CNTNAP2: variants seen among roughly 807,000 people sequenced by gnomAD.
CNTNAP2 encodes the protein contactin associated protein 2.
In CNTNAP2, 98 loss-of-function variants were observed where a neutral mutation model predicts 155.2. That is an observed-to-expected ratio of 0.63 (90% CI 0.54 to 0.75). The LOEUF (loss-of-function observed/expected upper bound fraction) is 0.75. Ranked by LOEUF, CNTNAP2 falls within the 30% of genes least tolerant of loss-of-function variation. The probability of loss-of-function intolerance (pLI) is 0.00; values close to 1 mark genes in which losing one functional copy is unlikely to be tolerated. For missense variants in CNTNAP2, 1,727 were observed against 1,688.1 expected (o/e 1.02, Z -0.40); for synonymous variants, 651 against 631.2 (o/e 1.03, Z -0.47).
chr7:147,940,972 T>C (rs1800710698), intron 14 of CNTNAP2, among the ~76,000 whole-genome samples: 1 of 152,246 alleles, frequency 6.6e-6, no homozygotes, highest in Non-Finnish European at 1.5e-5. Context: ...CTTACATTTC[T>C]GTTGTCAAAG....
At chr7:147,537,533 T>TA (rs1157937181) in intron 11 of CNTNAP2, among the ~76,000 whole-genome samples, 9 of 152,108 alleles carry the variant, frequency 5.9e-5, no homozygotes, top group African/African-American at 1.9e-4. Context: ...GGGCCTTACT[T>TA]ACCTACAAAG....
intron 3 of CNTNAP2, among the ~76,000 whole-genome samples, chr7:146,907,925 A>G (rs1195855690): frequency 6.6e-6 from 1 of 152,232 alleles, no homozygotes; most frequent in African/African-American, 2.4e-5. Flanking sequence ...GCAGAGACAC[A>G]CATAGGCTCA....
At position 148,030,024 on chromosome 7, in the gene CNTNAP2, C is replaced by T. The variant is rs569011618; in HGVS notation, c.2383+52035C>T. On this transcript the variant is annotated intron_variant, in intron 15 of 23. Coordinates refer to ENST00000361727, the MANE Select transcript of CNTNAP2 (RefSeq NM_014141.6). ...GTTGGAAATCTTCAGAGGACAGACA[C>T]TCAGTGAATAACCTTTAACTAATTT... 2.6e-4 allele frequency among the ~76,000 whole-genome samples: 39 copies of T among 152,336 alleles called. 1 individual carries two copies. The East Asian group carries it at 7.5e-3, about 29-fold the overall frequency.
chr7:146,147,523 T>C (rs1436183803), intron 1 of CNTNAP2, among the ~76,000 whole-genome samples: 1 of 152,116 alleles, frequency 6.6e-6, no homozygotes, highest in Non-Finnish European at 1.5e-5. Context: ...ATGATTAAAG[T>C]AGGAAGCCTA....
intron 3 of CNTNAP2, among the ~76,000 whole-genome samples, chr7:146,913,789 G>T (rs1184726759): frequency 6.6e-6 from 1 of 151,824 alleles, no homozygotes; most frequent in Non-Finnish European, 1.5e-5. Flanking sequence ...TTGGGGAACA[G>T]GTGGTGTTTG....
At chr7:146,628,187 A>AGACAATATT (rs1305067386) in intron 1 of CNTNAP2, among the ~76,000 whole-genome samples, 1 of 152,140 alleles carries the variant, frequency 6.6e-6, no homozygotes. Context: ...CTCAGCATGC[A>AGACAATATT]GACAATATTG....
chr7:146,597,040 G>GA (rs1168479410), intron 1 of CNTNAP2, among the ~76,000 whole-genome samples: 1 of 151,874 alleles, frequency 6.6e-6, no homozygotes, highest in Non-Finnish European at 1.5e-5. Context: ...AAATAACCAG[G>GA]AAAAAAGGCA....
intron 13 of CNTNAP2, among the ~76,000 whole-genome samples, chr7:147,757,599 GA>G (rs1317668457): frequency 2.0e-5 from 3 of 152,022 alleles, no homozygotes; most frequent in Non-Finnish European, 4.4e-5. Flanking sequence ...GGATAATCAT[GA>G]ATTGTTGTTT....
At chr7:148,041,239 A>C (rs2116478547) in intron 15 of CNTNAP2, among the ~76,000 whole-genome samples, 1 of 152,340 alleles carries the variant, frequency 6.6e-6, no homozygotes. Flanking sequence ...TAGGCCTTTC[A>C]TAAAAAGTGT....
rs1563168695 is a variant in CNTNAP2, at chr7:147,346,132, TA to T, written c.1498+45843del. Reference sequence around the variant, plus strand: ...GGCTGTGTCCCATAATCGAAGATTTTATTTTATTTTATTTTATTTTATTTTT... The same window carrying T: ...GGCTGTGTCCCATAATCGAAGATTTTTTTTATTTTATTTTATTTTATTTTT... On this transcript the variant is annotated intron_variant, in intron 9 of 23. Coordinates refer to ENST00000361727, the MANE Select transcript of CNTNAP2 (RefSeq NM_014141.6). 6.9e-3 allele frequency among the ~76,000 whole-genome samples: 345 copies of T among 50,152 alleles called. 4 individuals are homozygous for T. The highest frequency in any genetic ancestry group is 0.046 in the African/African-American group (319 of 6,918). The allele number at this position is 50,152 out of a possible 152,430, so 32.9% of individuals were successfully genotyped here. A position where few individuals can be genotyped will look rare whatever the true frequency, so the allele number is the denominator to read the frequency against.
At chr7:148,157,887 C>T (rs142915393) in intron 17 of CNTNAP2, among the ~76,000 whole-genome samples, 199 of 152,298 alleles carry the variant, frequency 1.3e-3, no homozygotes, top group African/African-American at 4.6e-3. Context: ...ATCAATCGAC[C>T]ATATGCAAAG....
chr7:147,268,084 A>G (rs950964355), intron 8 of CNTNAP2, among the ~76,000 whole-genome samples: 3 of 152,172 alleles, frequency 2.0e-5, no homozygotes, highest in Admixed American at 6.5e-5. Context: ...CCTTAATAAG[A>G]AAGGTAAATA....
chr7:146,531,608 T>C (rs935787819), intron 1 of CNTNAP2, among the ~76,000 whole-genome samples: 1 of 152,154 alleles, frequency 6.6e-6, no homozygotes, highest in African/African-American at 2.4e-5. Context: ...TGCAATGGCA[T>C]GATCAAGGCT....
intron 8 of CNTNAP2, among the ~76,000 whole-genome samples, chr7:147,197,060 C>T (rs1281645215): frequency 1.3e-5 from 2 of 152,096 alleles, no homozygotes; most frequent in Non-Finnish European, 2.9e-5. Context: ...CCTTTGCAAT[C>T]CCCCCTCCTT....
intron 21 of CNTNAP2, among the ~76,000 whole-genome samples, chr7:148,326,784 G>C (rs1797898025): frequency 6.6e-6 from 1 of 150,652 alleles, no homozygotes; most frequent in Non-Finnish European, 1.5e-5. Context: ...AGAATGGCGT[G>C]AATCAGGGAG....
At chr7:147,164,396 T>C (rs187656551) in intron 8 of CNTNAP2, among the ~76,000 whole-genome samples, 378 of 152,336 alleles carry the variant, frequency 2.5e-3, no homozygotes, top group African/African-American at 8.6e-3. Flanking sequence ...AAAAGACTTA[T>C]AGAAAGCACA....
rs370415608 is a variant in CNTNAP2, at chr7:146,641,741, T to A, written c.98-132530T>A. Among the ~76,000 whole-genome samples, 719 of 152,276 alleles carry A rather than the reference T, an allele frequency of 4.7e-3. 10 individuals carry two copies. Among genetic ancestry groups the A allele is most frequent in the African/African-American group, 0.016 (661 of 41,558 alleles). ...TCGGAGGAGAGAGAAAAAAATGTTT[T>A]TCCTGACATTTTTGTCACTGCAGAG... On this transcript the variant is annotated intron_variant, in intron 1 of 23. Coordinates refer to ENST00000361727, the MANE Select transcript of CNTNAP2 (RefSeq NM_014141.6).
intron 4 of CNTNAP2, among the ~76,000 whole-genome samples, chr7:147,059,552 A>G (rs1799624801): frequency 6.6e-6 from 1 of 151,632 alleles, no homozygotes; most frequent in Non-Finnish European, 1.5e-5. Context: ...TTGCTTTTTA[A>G]TTGAGGAAAT....
intron 12 of CNTNAP2, among the ~76,000 whole-genome samples, chr7:147,619,121 C>T (rs1013569275): frequency 6.6e-6 from 1 of 152,172 alleles, no homozygotes; most frequent in Non-Finnish European, 1.5e-5. Flanking sequence ...GAGACAGATA[C>T]TAAATTCTCA....
Sources: allele counts gnomAD v4.1 joint callset (sites outside exome capture counted in the v4.1 genomes callset), GRCh38; gene constraint gnomAD v4.1.1; transcripts MANE v1.5; gene names NCBI Gene and HGNC (gene_info 2026-07-23, HGNC 2026-07-21).